Variants in TAOK1 observed in about 807,000 individuals in gnomAD.
The protein encoded by TAOK1 is serine/threonine-protein kinase TAO1.
Under a neutral mutation model 138.3 loss-of-function variants are expected in TAOK1, and 21 were observed. The observed-to-expected ratio is 0.15, with a 90% CI of 0.11 to 0.22. The LOEUF is 0.22. Ranked by LOEUF, TAOK1 falls within the 10% of genes least tolerant of loss-of-function variation. The pLI, the probability that TAOK1 is intolerant of heterozygous loss-of-function variation, is 1.00. For missense variants in TAOK1, 651 were observed against 1,227.7 expected, an observed-to-expected ratio of 0.53 and a Z score of 7.02; for synonymous variants, 361 against 398.4, an observed-to-expected ratio of 0.91 and a Z score of 1.12.
chr17:29,488,708 A>G (rs972973967), intron 8 of TAOK1, among the ~76,000 whole-genome samples: 2 of 152,066 alleles, frequency 1.3e-5, no homozygotes, highest in Admixed American at 6.6e-5. Flanking sequence ...TGCAGAACCT[A>G]CAGATACAGA....
At chr17:29,511,111 G>A in intron 15 of TAOK1, 119 bp downstream of exon 15, 1 of 859,350 alleles carries the variant, frequency 1.2e-6, no homozygotes, top group South Asian at 3.0e-5. Flanking sequence ...TCACTAAATG[G>A]GTATTAGTTT....
chr17:29,493,719 G>C (rs2153027817), intron 10 of TAOK1, among the ~76,000 whole-genome samples: 1 of 151,638 alleles, frequency 6.6e-6, no homozygotes, highest in East Asian at 1.9e-4. Flanking sequence ...CTTATCTTTT[G>C]GACTAATTAC....
rs953521667 is a variant in TAOK1, at chr17:29,543,591, T to G, written c.*569T>G. The G allele has an allele frequency of 6.6e-6, 1 of 152,622 alleles. No individual in the cohort carries two copies. The highest frequency in any genetic ancestry group is 1.5e-5 in the Non-Finnish European group (1 of 68,030). The allele number at this position is 152,622 out of a possible 1,614,324, so 9.5% of individuals were successfully genotyped here. ...TCTGACTTCTCAGCCTCATTTGGAC[T>G]AAAAAAAGAAAGCAGAAATCCATGA... On this transcript the variant is annotated 3_prime_UTR_variant, in exon 20 of 20. Transcript: ENST00000261716.
chr17:29,478,251 T>C lies in TAOK1; in HGVS notation c.353T>C (p.Val118Ala). The C allele has an allele frequency of 6.3e-7, 1 of 1,588,344 alleles. No homozygotes were observed. The highest frequency in any genetic ancestry group is 8.5e-7 in the Non-Finnish European group (1 of 1,170,696). ...TAATTATTTTGAAATAAATTTTAAG[T>C]TCACAAAAAGCCATTACAAGAAGTG... ...CLGSASDLLE[V>A]HKKPLQEVEI... The change falls in exon 6 of 20, where the codon GTT becomes GCT. Residue 118 changes from valine (V) to alanine (A), a missense_variant and splice_region_variant. Transcript: ENST00000261716.
intron 1 of TAOK1, among the ~76,000 whole-genome samples, chr17:29,441,252 T>C (rs569846180): frequency 8.5e-4 from 130 of 152,308 alleles, no homozygotes; most frequent in Non-Finnish European, 1.7e-3. Context: ...GGTGCATGCC[T>C]GTAGTCCCAG....
intron 1 of TAOK1, among the ~76,000 whole-genome samples, chr17:29,401,578 C>T (rs1042307218): frequency 4.6e-5 from 7 of 152,170 alleles, no homozygotes; most frequent in African/African-American, 1.4e-4. Context: ...CCACCAGGTC[C>T]CTCCCCCAAC....
rs2031841459 is a variant in TAOK1, at chr17:29,517,597, C to T, written c.1849C>T (p.Arg617Cys). The T allele has an allele frequency of 1.2e-6, 2 of 1,613,606 alleles. No homozygotes were observed. Among genetic ancestry groups the T allele is most frequent in the Non-Finnish European group, 8.5e-7 (1 of 1,180,006 alleles). The change falls in exon 16 of 20, where the codon CGC (arginine) becomes TGC (cysteine). Residue 617 changes from arginine to cysteine, a missense_variant. Arg to Cys is a radical substitution (Grantham distance 180). Coordinates refer to ENST00000261716, the MANE Select transcript of TAOK1 (RefSeq NM_020791.4). ...QRQYLELECR[R>C]FKRRMLLGRH... ...ACAATACCTAGAGCTGGAATGCCGT[C>T]GCTTCAAGAGAAGAATGTTACTTGG...
intron 1 of TAOK1, among the ~76,000 whole-genome samples, chr17:29,422,555 T>C (rs1375656229): frequency 6.6e-6 from 1 of 152,204 alleles, no homozygotes; most frequent in Non-Finnish European, 1.5e-5. Flanking sequence ...TTTATGTTTT[T>C]TCAGAGACTC....
chr17:29,457,395 C>CTTG (rs2030411949), intron 2 of TAOK1, among the ~76,000 whole-genome samples: 1 of 126,872 alleles, frequency 7.9e-6, no homozygotes, highest in African/African-American at 3.0e-5. Flanking sequence ...GAGCCACCAC[C>CTTG]CCAGGCCTTT....
At chr17:29,471,161 A>AATATAT (rs113334146) in intron 3 of TAOK1, among the ~76,000 whole-genome samples, 12 of 149,118 alleles carry the variant, frequency 8.0e-5, no homozygotes, top group Admixed American at 2.0e-4. Flanking sequence ...TCATCTAAAA[A>AATATAT]ATATATATAT....
At chr17:29,461,772 A>G (rs1417194015) in intron 2 of TAOK1, among the ~76,000 whole-genome samples, 2 of 150,564 alleles carry the variant, frequency 1.3e-5, no homozygotes, top group Non-Finnish European at 3.0e-5. Flanking sequence ...TTTAATGCTG[A>G]TTTAGGGGGC....
chr17:29,517,113 A>G (rs1286352087), intron 15 of TAOK1, among the ~76,000 whole-genome samples: 1 of 151,944 alleles, frequency 6.6e-6, no homozygotes, highest in Non-Finnish European at 1.5e-5. Context: ...CAGCCTCCCA[A>G]GTAGCTGGGA....
At chr17:29,539,290 G>A (rs936162209) in intron 19 of TAOK1, among the ~76,000 whole-genome samples, 6 of 151,976 alleles carry the variant, frequency 3.9e-5, no homozygotes, top group Non-Finnish European at 7.4e-5. Context: ...ATATTTTTGT[G>A]TAGGAAACAA....
chr17:29,482,786 G>A (rs1210308624), intron 8 of TAOK1, among the ~76,000 whole-genome samples: 3 of 151,410 alleles, frequency 2.0e-5, no homozygotes, highest in Non-Finnish European at 4.4e-5. Flanking sequence ...TTCAACAGGG[G>A]CCATGATCCA....
At chr17:29,432,109 A>G (rs1420750489) in intron 1 of TAOK1, among the ~76,000 whole-genome samples, 2 of 152,188 alleles carry the variant, frequency 1.3e-5, no homozygotes, top group Non-Finnish European at 2.9e-5. Context: ...GTGGAGTGGG[A>G]AATCAGGGGG....
chr17:29,518,681 G>A (rs1450175771), intron 16 of TAOK1, among the ~76,000 whole-genome samples: 1 of 152,018 alleles, frequency 6.6e-6, no homozygotes, highest in Non-Finnish European at 1.5e-5. Flanking sequence ...CTCACAGTAG[G>A]CATTCAATAA....
chr17:29,458,654 A>G (rs1208150673), intron 2 of TAOK1, among the ~76,000 whole-genome samples: 1 of 150,946 alleles, frequency 6.6e-6, no homozygotes, highest in Non-Finnish European at 1.5e-5. Flanking sequence ...GCGCCACCAC[A>G]CCTGATTAGT....
intron 3 of TAOK1, among the ~76,000 whole-genome samples, chr17:29,472,831 C>T (rs2153026203): frequency 6.6e-6 from 1 of 152,314 alleles, no homozygotes. Context: ...CCGCCTCGGC[C>T]TCCCAAAGTG....
At chr17:29,493,400 A>G (rs1477005922) in intron 10 of TAOK1, among the ~76,000 whole-genome samples, 4 of 151,450 alleles carry the variant, frequency 2.6e-5, no homozygotes, top group Non-Finnish European at 4.4e-5. Flanking sequence ...AGGCTGACGC[A>G]GGAGAATCGC....
Sources: allele counts gnomAD v4.1 joint callset (sites outside exome capture counted in the v4.1 genomes callset), GRCh38; gene constraint gnomAD v4.1.1; transcripts MANE v1.5; gene names NCBI Gene and HGNC (gene_info 2026-07-23, HGNC 2026-07-21).